NBPF12: variants seen among roughly 807,000 people sequenced by gnomAD.
NBPF12 encodes NBPF member 12.
A neutral mutation model predicts 146.4 loss-of-function variants in NBPF12; 115 were observed. That is an observed-to-expected ratio of 0.79 (90% confidence interval 0.68 to 0.92). The LOEUF is 0.92. Among genes scored for constraint, NBPF12 ranks in the 40% least tolerant of loss-of-function variants. The pLI, the probability that NBPF12 is intolerant of heterozygous loss-of-function variation, is 0.00. For missense variants in NBPF12, 1,205 were observed against 1,326.8 expected, an observed-to-expected ratio of 0.91 and a Z score of 1.43; for synonymous variants, 385 against 508.9, an observed-to-expected ratio of 0.76 and a Z score of 3.28.
chr1:146,995,754 T>C (rs1553890476), exon 34 of NBPF12: 2 of 150,486 alleles, frequency 1.3e-5, no homozygotes, highest in African/African-American at 5.0e-5. Context: ...CATTATGATA[T>C]CAGGACTGGT....
At chr1:146,957,857 C>T (rs1235429678) in intron 2 of NBPF12, among the ~76,000 whole-genome samples, 3 of 89,818 alleles carry the variant, frequency 3.3e-5, no homozygotes, top group African/African-American at 8.1e-5. Context: ...TATATATATA[C>T]ACGTGTTATA....
Position 146,967,285 on chromosome 1 carries a change from G to A in NBPF12, c.988+612G>A, listed in dbSNP as rs1228854126. Reference sequence around the variant, plus strand: ...TGGGAGGCTGAGGCGAGTAGAGCACGAGGTCAGGAGTTTGAGACCAGCCTG... The same window carrying A: ...TGGGAGGCTGAGGCGAGTAGAGCACAAGGTCAGGAGTTTGAGACCAGCCTG... On this transcript the variant is annotated intron_variant, in intron 9 of 33. Coordinates refer to ENST00000617844, the Ensembl canonical transcript of NBPF12. 9.2e-3 allele frequency among the ~76,000 whole-genome samples: 1,390 copies of A among 150,864 alleles called. 60 individuals are homozygous for A. Among genetic ancestry groups the A allele is most frequent in the Admixed American group, 0.076 (1,150 of 15,186 alleles).
upstream of NBPF12, among the ~76,000 whole-genome samples, chr1:146,946,863 G>T (rs1334321626): frequency 6.6e-6 from 1 of 151,866 alleles, no homozygotes; most frequent in Non-Finnish European, 1.5e-5. Context: ...GATATAACAT[G>T]CATACCTGGA....
At chr1:146,976,778 G>T (rs1657062649) in intron 16 of NBPF12, 151 bp from the exon 20 acceptor site, 2 of 576,068 alleles carry the variant, frequency 3.5e-6, no homozygotes, top group Non-Finnish European at 6.2e-6. Flanking sequence ...AGGAAACCAT[G>T]CCAGGGCATT....
intron 2 of NBPF12, among the ~76,000 whole-genome samples, chr1:146,943,796 T>C (rs1654904216): frequency 6.6e-6 from 1 of 151,636 alleles, no homozygotes; most frequent in Non-Finnish European, 1.5e-5. Flanking sequence ...GGAGAGGACA[T>C]GTTCTCTTCA....
intron 19 of NBPF12, among the ~76,000 whole-genome samples, chr1:146,981,949 T>G (rs1657427385): frequency 6.7e-6 from 1 of 148,622 alleles, no homozygotes; most frequent in East Asian, 2.0e-4. Context: ...GGTTAGCCAT[T>G]CGTCTAATCT....
exon 34 of NBPF12, chr1:146,994,706 T>TA (rs1658434310): frequency 6.9e-7 from 1 of 1,455,472 alleles, no homozygotes; most frequent in African/African-American, 1.5e-5. Context: ...GCTCTATTCC[T>TA]ATTCTCAGAG....
intron 9 of NBPF12, 31 bp downstream of exon 12, chr1:146,966,704 T>G: frequency 8.6e-7 from 1 of 1,165,970 alleles, no homozygotes; most frequent in African/African-American, 1.5e-5. Flanking sequence ...ATCACGAAAG[T>G]GATGAACAAC....
At chr1:146,984,605 G>A (rs1245896627) in intron 21 of NBPF12, among the ~76,000 whole-genome samples, 1 of 144,548 alleles carries the variant, frequency 6.9e-6, no homozygotes. Flanking sequence ...GTGTGTGTGT[G>A]TGTGTGTGTG....
Position 146,955,722 on chromosome 1 carries a change from A to G in NBPF12, c.-183-4137A>G, listed in dbSNP as rs1462121753. On this transcript the variant is annotated intron_variant, in intron 2 of 33. Coordinates refer to ENST00000617844, the Ensembl canonical transcript of NBPF12. ...ACCTCAGTTAAATTCACTTAATCTA[A>G]GTGGGTCTAGGTGCTGGGGGCCCTT... 4.7e-5 allele frequency among the ~76,000 whole-genome samples: 7 copies of G among 150,292 alleles called. 1 individual carries two copies. Among genetic ancestry groups the G allele is most frequent in the African/African-American group, 1.8e-4 (7 of 39,660 alleles).
intron 25 of NBPF12, among the ~76,000 whole-genome samples, chr1:146,987,675 T>C (rs879043413): frequency 2.0e-5 from 3 of 150,518 alleles, no homozygotes; most frequent in Non-Finnish European, 3.0e-5. Flanking sequence ...TGAGCTCGTT[T>C]TCTCTCTCTC....
chr1:146,971,602 G>T (rs1485191696), intron 13 of NBPF12, among the ~76,000 whole-genome samples: 1 of 145,090 alleles, frequency 6.9e-6, no homozygotes, highest in Admixed American at 6.9e-5. Flanking sequence ...CCAGCCTGGA[G>T]TATATGGTGA....
At chr1:146,981,292 AAAAT>A (rs1384151714) in intron 19 of NBPF12, among the ~76,000 whole-genome samples, 59 of 104,130 alleles carry the variant, frequency 5.7e-4, no homozygotes, top group African/African-American at 2.4e-3. Flanking sequence ...AAAAAAAAAA[AAAAT>A]ATATATATAT....
chr1:146,960,601 A>G (rs1304100747), intron 4 of NBPF12, among the ~76,000 whole-genome samples: 1 of 152,002 alleles, frequency 6.6e-6, no homozygotes, highest in Admixed American at 6.5e-5. Flanking sequence ...AAGAGGCTCA[A>G]TCGTGTTTTC....
intron 9 of NBPF12, 128 bp downstream of exon 12, chr1:146,966,801 T>C (rs1396611418): frequency 2.6e-5 from 18 of 703,148 alleles, no homozygotes; most frequent in Non-Finnish European, 4.4e-5. Flanking sequence ...CAGAAATGGG[T>C]ATTTTAACAT....
At position 146,976,752 on chromosome 1, in the gene NBPF12, C is replaced by A. The variant is rs1164055972; in HGVS notation, c.2120-177C>A. Among the ~76,000 whole-genome samples, 105 of 150,846 alleles carry A rather than the reference C, an allele frequency of 7.0e-4. 1 individual carries two copies. In the East Asian group the frequency reaches 0.019, roughly 28 times the overall value. On this transcript the variant is annotated intron_variant, in intron 16 of 33. Transcript: ENST00000617844. ...ATGGTGGCCCTCCAGATCAGAAATGCATTGCCTGATGGACCAGGAAACCAT... is the reference window on the plus strand; with the variant it reads ...ATGGTGGCCCTCCAGATCAGAAATGAATTGCCTGATGGACCAGGAAACCAT...
intron 13 of NBPF12, among the ~76,000 whole-genome samples, chr1:146,972,051 G>T (rs1656668400): frequency 1.4e-5 from 2 of 145,508 alleles, no homozygotes; most frequent in Non-Finnish European, 3.0e-5. Context: ...TTGTGCCACT[G>T]CACTCCAGCC....
chr1:146,962,141 C>G lies in NBPF12; in HGVS notation c.176-20C>G, dbSNP rs1402699275. The G allele has an allele frequency of 1.9e-6, 3 of 1,607,530 alleles. No individual in the cohort carries two copies. The highest frequency in any genetic ancestry group is 2.5e-6 in the Non-Finnish European group (3 of 1,177,102). The stretch of plus-strand genomic sequence containing the variant: ...ATGTCCAGCCTTCCACTGAGGCAGG[C>G]GTGTCTGTCTTTTTCTCAGAGTATG... On this transcript the variant is annotated intron_variant, in intron 4 of 33. Transcript: ENST00000617844.
Position 146,963,082 on chromosome 1 carries a change from C to T in NBPF12, c.279-13C>T, listed in dbSNP as rs1306298909. On this transcript the variant is annotated splice_polypyrimidine_tract_variant and intron_variant, in intron 5 of 33. Transcript: ENST00000617844. ...CTTTTCACTGTTAAATTTTCTCTAC[C>T]GTCTCACCTTAGGCAATATAAAGTC... 2.9e-5 allele frequency: 47 copies of T among 1,609,526 alleles called. No homozygotes were observed. The highest frequency in any genetic ancestry group is 4.4e-5 in the South Asian group (4 of 90,932).
Sources: allele counts gnomAD v4.1 joint callset (sites outside exome capture counted in the v4.1 genomes callset), GRCh38; gene constraint gnomAD v4.1.1; transcripts MANE v1.5; gene names NCBI Gene and HGNC (gene_info 2026-07-23, HGNC 2026-07-21).